GLT1D1: variants seen among roughly 807,000 people sequenced by gnomAD.
GLT1D1 encodes the protein glycosyltransferase 1 domain-containing protein 1.
A neutral mutation model predicts 28.7 loss-of-function variants in GLT1D1; 21 were observed. The ratio of observed to expected loss-of-function variants is 0.73; its 90% confidence interval spans 0.52 to 1.05. GLT1D1 has a LOEUF of 1.05. GLT1D1 is among the 50% of genes least tolerant of loss of function. The probability of loss-of-function intolerance (pLI) is 0.00; values close to 1 mark genes in which losing one functional copy is unlikely to be tolerated. For synonymous variants in GLT1D1, 147 were observed against 124.8 expected, an observed-to-expected ratio of 1.18 and a Z score of -1.19; for missense variants, 343 against 330.6, an observed-to-expected ratio of 1.04 and a Z score of -0.29.
intron 4 of GLT1D1, chr12:128,912,455 G>A (rs1871639934): frequency 6.6e-7 from 1 of 1,514,810 alleles, no homozygotes; most frequent in East Asian, 2.5e-5. Context: ...TATGTCCAGA[G>A]TCAAGGTAAG....
At chr12:128,870,927 G>T (rs549638635) in intron 1 of GLT1D1, among the ~76,000 whole-genome samples, 4 of 152,254 alleles carry the variant, frequency 2.6e-5, no homozygotes, top group South Asian at 2.1e-4. Context: ...TGAGGCAGAG[G>T]TTGCAACGAG....
intron 6 of GLT1D1, among the ~76,000 whole-genome samples, chr12:128,948,920 C>T (rs1254929249): frequency 6.6e-6 from 1 of 152,148 alleles, no homozygotes; most frequent in South Asian, 2.1e-4. Flanking sequence ...GCTGTGTGTC[C>T]GTGCCCATGA....
chr12:128,957,383 C>G (rs1877411566), intron 6 of GLT1D1, among the ~76,000 whole-genome samples, 162 bp from the exon 11 acceptor site: 1 of 152,206 alleles, frequency 6.6e-6, no homozygotes, highest in Non-Finnish European at 1.5e-5. Flanking sequence ...ATTTTGAAAA[C>G]ATGCTGTTGA....
chr12:128,975,448 TGTTTTTTA>T (rs1474326031), intron 7 of GLT1D1, among the ~76,000 whole-genome samples: 24 of 107,530 alleles, frequency 2.2e-4, no homozygotes, highest in African/African-American at 7.9e-4. Flanking sequence ...GCTGTTTTTT[TGTTTTTTA>T]TTTTTTTCTT....
chr12:128,946,496 G>A (rs1017304086), intron 5 of GLT1D1, among the ~76,000 whole-genome samples: 5 of 150,678 alleles, frequency 3.3e-5, no homozygotes, highest in South Asian at 2.1e-4. Context: ...ACAGGCACCC[G>A]CCGCTGCGCC....
chr12:128,966,164 G>C (rs1878437362), intron 7 of GLT1D1, among the ~76,000 whole-genome samples: 4 of 152,234 alleles, frequency 2.6e-5, no homozygotes, highest in Admixed American at 2.6e-4. Context: ...TGAGCGGCTG[G>C]GAGTAGGAGT....
chr12:128,912,110 G>A (rs1871602278), intron 4 of GLT1D1, among the ~76,000 whole-genome samples: 1 of 152,184 alleles, frequency 6.6e-6, no homozygotes. Flanking sequence ...CTCTCTGGCT[G>A]AACTTCAGTA....
intron 1 of GLT1D1, among the ~76,000 whole-genome samples, chr12:128,867,632 G>T (rs1233636133): frequency 6.6e-6 from 1 of 152,096 alleles, no homozygotes; most frequent in African/African-American, 2.4e-5. Flanking sequence ...CTGCCTCGGG[G>T]GTCCCCCAGC....
intron 1 of GLT1D1, among the ~76,000 whole-genome samples, chr12:128,867,945 C>T (rs1052674427): frequency 2.0e-5 from 3 of 152,172 alleles, no homozygotes; most frequent in Non-Finnish European, 4.4e-5. Flanking sequence ...TATAAACTAA[C>T]AATAAGGGCG....
Position 128,927,049 on chromosome 12 carries a change from C to T in GLT1D1, c.376-18277C>T, listed in dbSNP as rs942380724. On this transcript the variant is annotated intron_variant, in intron 4 of 7. Coordinates refer to ENST00000281703, the MANE Select transcript of GLT1D1 (RefSeq NM_144669.3). The stretch of plus-strand genomic sequence containing the variant: ...TTTATATTGAAGTTAGTTGTGCTTG[C>T]AGCTGTGACTTAAACCCATTTGAAG... 3 of 1,202,152 alleles carry T rather than the reference C, an allele frequency of 2.5e-6. No homozygotes were observed. In the African/African-American group the frequency reaches 4.5e-5, roughly 18 times the overall value. The allele number at this position is 1,202,152 out of a possible 1,614,324, so 74.5% of individuals were successfully genotyped here. A position where few individuals can be genotyped will look rare whatever the true frequency, so the allele number is the denominator to read the frequency against.
intron 4 of GLT1D1, among the ~76,000 whole-genome samples, chr12:128,939,286 G>A (rs1000330139): frequency 6.6e-6 from 1 of 152,024 alleles, no homozygotes; most frequent in African/African-American, 2.4e-5. Context: ...TTGAGGCCGG[G>A]TGCAGCAGCT....
chr12:128,901,439 AT>A (rs35060673), intron 4 of GLT1D1, among the ~76,000 whole-genome samples: 73,139 of 141,052 alleles, frequency 0.52, 18,480 homozygotes, highest in East Asian at 0.61. Context: ...TCTCTCTCTC[AT>A]TTTTTTTTTT....
intron 2 of GLT1D1, among the ~76,000 whole-genome samples, chr12:128,879,600 G>GT (rs1467886223): frequency 9.2e-5 from 14 of 151,792 alleles, no homozygotes; most frequent in African/African-American, 3.4e-4. Flanking sequence ...GGATTAACAG[G>GT]TGTGCACCAC....
At chr12:128,975,271 C>G (rs76950887) in intron 7 of GLT1D1, among the ~76,000 whole-genome samples, 1 of 151,794 alleles carries the variant, frequency 6.6e-6, no homozygotes, top group East Asian at 1.9e-4. Flanking sequence ...TGACTGGGGG[C>G]GGGGGGAAGT....
At chr12:128,935,865 G>T (rs568695808) in intron 4 of GLT1D1, among the ~76,000 whole-genome samples, 16 of 152,248 alleles carry the variant, frequency 1.1e-4, no homozygotes, top group African/African-American at 3.9e-4. Context: ...CGAAATCCAC[G>T]CAATCATTCA....
At position 128,947,395 on chromosome 12, in the gene GLT1D1, G is replaced by A; in HGVS notation, c.477G>A (p.Val159=). The A allele has an allele frequency of 6.2e-7, 1 of 1,614,114 alleles. No individual in the cohort carries two copies. The highest frequency in any genetic ancestry group is 8.5e-7 in the Non-Finnish European group (1 of 1,179,986). Residue 159 remains valine, a synonymous_variant, in exon 6 of 8, where the codon GTG becomes GTA. Coordinates refer to ENST00000281703, the MANE Select transcript of GLT1D1 (RefSeq NM_144669.3). ...CTCAAGAAGATCTGCACGCGGTGGT[G>A]AAGAATTGCTTCGCGGTGGTGAATA...
intron 4 of GLT1D1, among the ~76,000 whole-genome samples, chr12:128,938,915 T>C (rs184333386): frequency 7.9e-4 from 120 of 152,342 alleles, no homozygotes; most frequent in African/African-American, 2.9e-3. Flanking sequence ...GGTTGTTTTG[T>C]TGAAGACTTT....
At chr12:128,927,547 C>T (rs1358471555) in intron 4 of GLT1D1, among the ~76,000 whole-genome samples, 1 of 152,042 alleles carries the variant, frequency 6.6e-6, no homozygotes, top group Non-Finnish European at 1.5e-5. Context: ...TTACATTGCT[C>T]TTCTAACCAA....
Position 128,900,018 on chromosome 12 carries a change from C to T in GLT1D1, c.375+731C>T, listed in dbSNP as rs540159949. On this transcript the variant is annotated intron_variant, in intron 4 of 7. Coordinates refer to ENST00000281703, the MANE Select transcript of GLT1D1 (RefSeq NM_144669.3). The stretch of plus-strand genomic sequence containing the variant: ...AAACAGTCAAGAGTTTGTAGATCCA[C>T]AAGTTAGTTCATTTATTGACTTTGT... Among the ~76,000 whole-genome samples, 12 of 152,246 alleles carry T rather than the reference C, an allele frequency of 7.9e-5. No homozygotes were observed. The South Asian group carries it at 2.3e-3, about 29-fold the overall frequency.
Sources: gnomAD v4.1 joint callset for allele counts (sites outside exome capture counted in the v4.1 genomes callset) on GRCh38, gnomAD v4.1.1 for gene constraint, MANE v1.5 for transcripts, NCBI Gene and HGNC (gene_info 2026-07-23, HGNC 2026-07-21) for gene names.